Variants in TAF1 observed in about 807,000 individuals in gnomAD.
TAF1 encodes the protein TATA-box binding protein associated factor 1.
In TAF1, 2 loss-of-function variants were observed where a neutral mutation model predicts 138.5. That is an observed-to-expected ratio of 0.01 (90% confidence interval 0.01 to 0.05). The LOEUF (loss-of-function observed/expected upper bound fraction) is 0.05. Among genes scored for constraint, TAF1 ranks in the 10% least tolerant of loss-of-function variants. TAF1 has a pLI of 1.00. For synonymous variants in TAF1, 437 were observed against 503.2 expected (o/e 0.87, Z 1.76); for missense variants, 709 against 1,478.0 (o/e 0.48, Z 8.53).
rs775407599 is a variant in TAF1, at chrX:71,410,190, C to T, written c.4384+2039C>T. On this transcript the variant is annotated intron_variant, in intron 28 of 37. Coordinates refer to ENST00000423759, the MANE Select transcript of TAF1 (RefSeq NM_004606.5). ...ACAGGCATGAACCACCGCGCCCGGC[C>T]GCATTCTTTTCTTTATTTCACCATA... 8.1e-5 allele frequency among the ~76,000 whole-genome samples: 9 copies of T among 110,997 alleles called. No individual in the cohort carries two copies. In the East Asian group the frequency reaches 8.4e-4, roughly 10 times the overall value.
chrX:71,402,810 G>T (rs1252996530), intron 25 of TAF1, among the ~76,000 whole-genome samples: 7 of 109,831 alleles, frequency 6.4e-5, no homozygotes, highest in African/African-American at 2.3e-4. Flanking sequence ...TAAATCATTT[G>T]GAACTAAGTT....
intron 13 of TAF1, among the ~76,000 whole-genome samples, chrX:71,508,316 G>A (rs1166895362): frequency 9.1e-6 from 1 of 109,825 alleles, no homozygotes; most frequent in Non-Finnish European, 1.9e-5. Context: ...TGGCCAAGGT[G>A]CGGTGGCTCA....
At chrX:71,469,329 C>T (rs2038835943), downstream of TAF1, among the ~76,000 whole-genome samples, 1 of 111,471 alleles carries the variant, frequency 9.0e-6, no homozygotes, top group Non-Finnish European at 1.9e-5. Context: ...AAGCTCATAA[C>T]ATAATAAGTG....
chrX:71,446,505 T>A (rs2037703755), intron 32 of TAF1, among the ~76,000 whole-genome samples: 1 of 112,008 alleles, frequency 8.9e-6, no homozygotes, highest in Non-Finnish European at 1.9e-5. Context: ...AAAATCTTGT[T>A]CTTCCCTTCC....
At chrX:71,523,907 C>A (rs1287301324) in intron 13 of TAF1, among the ~76,000 whole-genome samples, 2 of 110,745 alleles carry the variant, frequency 1.8e-5, no homozygotes, top group Non-Finnish European at 3.8e-5. Flanking sequence ...TGCACAGGAA[C>A]TTTTAACTCA....
chrX:71,384,170 A>G (rs753343172), intron 13 of TAF1, 35 bp downstream of exon 13: 25 of 1,193,243 alleles, frequency 2.1e-5, no homozygotes, highest in Non-Finnish European at 2.7e-5. Flanking sequence ...TTTCCCATAC[A>G]TAATTCTGCT....
chrX:71,480,229 C>A (rs765807906), intron 13 of TAF1, among the ~76,000 whole-genome samples: 1 of 110,101 alleles, frequency 9.1e-6, no homozygotes, highest in East Asian at 2.9e-4. Flanking sequence ...TCTCAAAAAA[C>A]AAAACCAAAA....
At chrX:71,482,030 A>G (rs2039081411) in intron 13 of TAF1, among the ~76,000 whole-genome samples, 1 of 112,164 alleles carries the variant, frequency 8.9e-6, no homozygotes, top group African/African-American at 3.2e-5. Flanking sequence ...TTCAATCTCC[A>G]TCTGTCTGCT....
intron 23 of TAF1, 58 bp from the exon 24 acceptor site, chrX:71,398,514 G>T: frequency 1.7e-6 from 2 of 1,182,324 alleles, no homozygotes; most frequent in Non-Finnish European, 2.3e-6. Context: ...TAGTCTTCTT[G>T]GTTAAGGTTT....
At position 71,407,683 on chromosome X, in the gene TAF1, T is replaced by C; in HGVS notation, c.4206+11T>C. 1 of 1,190,364 alleles carries C rather than the reference T, an allele frequency of 8.4e-7. No homozygotes were observed. Among genetic ancestry groups the C allele is most frequent in the Non-Finnish European group, 1.1e-6 (1 of 875,803 alleles). On this transcript the variant is annotated intron_variant, in intron 27 of 37. Transcript: ENST00000423759. ...AGAGATCTTCCAAATGTGAGTTCAT[T>C]GCATTGGATATCTATAGTAGGGATG...
chrX:71,401,972 A>C (rs2035195930), intron 25 of TAF1, among the ~76,000 whole-genome samples: 1 of 112,127 alleles, frequency 8.9e-6, no homozygotes, highest in Non-Finnish European at 1.9e-5. Flanking sequence ...CCTTAGTTAC[A>C]AAATAAAACC....
At chrX:71,506,235 T>TA (rs2039622992) in intron 13 of TAF1, among the ~76,000 whole-genome samples, 1 of 106,898 alleles carries the variant, frequency 9.4e-6, no homozygotes, top group Admixed American at 1.0e-4. Flanking sequence ...AATAAATAAA[T>TA]AAAAAATCAG....
At chrX:71,524,020 T>C (rs1392737555) in intron 13 of TAF1, among the ~76,000 whole-genome samples, 1 of 88,750 alleles carries the variant, frequency 1.1e-5, no homozygotes, top group African/African-American at 4.1e-5. Context: ...GTAATAGTTC[T>C]TTTTTTTTTT....
At chrX:71,390,406 ACT>A (rs1028728266) in intron 18 of TAF1, among the ~76,000 whole-genome samples, 2 of 110,884 alleles carry the variant, frequency 1.8e-5, no homozygotes, top group African/African-American at 6.6e-5. Flanking sequence ...CTGCCATTTG[ACT>A]CTCATCTACA....
rs1194775939 is a variant in TAF1 at position 71,458,438 on chromosome X, GATGGTGAT to G, written c.5064+76_5064+83del. On this transcript the variant is annotated intron_variant, in intron 35 of 37. Transcript: ENST00000423759. Reference sequence around the variant, plus strand: ...GTGGGGCTAGGGGAATGGTGATGGTGATGGTGATATGTGACATATGTCAAGAATGACTG... The same window carrying G: ...GTGGGGCTAGGGGAATGGTGATGGTGATGTGACATATGTCAAGAATGACTG... 1.5e-5 allele frequency: 17 copies of G among 1,137,286 alleles called. No individual in the cohort carries two copies. In the African/African-American group the frequency reaches 2.9e-4, roughly 19 times the overall value. 93.7% of individuals were successfully genotyped at this position (1,137,286 alleles called of 1,213,427 possible).
intron 13 of TAF1, among the ~76,000 whole-genome samples, chrX:71,496,175 G>A (rs1001370479): frequency 2.7e-5 from 3 of 112,340 alleles, no homozygotes; most frequent in African/African-American, 9.7e-5. Context: ...ACACCCAGGA[G>A]GAACCATCTA....
chrX:71,503,322 G>GTGTGTATATATATATATATA (rs2039554911), intron 13 of TAF1, among the ~76,000 whole-genome samples: 1 of 78,100 alleles, frequency 1.3e-5, no homozygotes, highest in African/African-American at 6.3e-5. Context: ...ATATATATAT[G>GTGTGTATATATATATATATA]TGTGTGTATA....
At chrX:71,456,199 A>G (rs1205134068) in intron 34 of TAF1, among the ~76,000 whole-genome samples, 1 of 111,916 alleles carries the variant, frequency 8.9e-6, no homozygotes, top group African/African-American at 3.3e-5. Flanking sequence ...CATTTCTAGG[A>G]CAGCCTAAGC....
intron 28 of TAF1, among the ~76,000 whole-genome samples, chrX:71,409,903 T>A (rs2035679657): frequency 9.0e-6 from 1 of 110,499 alleles, no homozygotes; most frequent in Non-Finnish European, 1.9e-5. Context: ...CTTTTTATTT[T>A]TTTTTTTGAG....
Sources: gnomAD v4.1 joint callset for allele counts (sites outside exome capture counted in the v4.1 genomes callset) on GRCh38, gnomAD v4.1.1 for gene constraint, MANE v1.5 for transcripts, NCBI Gene and HGNC (gene_info 2026-07-23, HGNC 2026-07-21) for gene names.